Variants in INSL6 observed in about 807,000 individuals in gnomAD.
INSL6 encodes the protein insulin-like peptide INSL6.
In INSL6, 16 loss-of-function variants were observed where a neutral mutation model predicts 9.4. The observed-to-expected ratio is 1.70, with a 90% confidence interval of 1.15 to 2.59. The LOEUF is 2.59. Among genes scored for constraint, INSL6 ranks in the 30% most tolerant of loss-of-function variants. The pLI, the probability that INSL6 is intolerant of heterozygous loss-of-function variation, is 0.00. For synonymous variants in INSL6, 154 were observed against 96.9 expected (o/e 1.59, Z -3.46); for missense variants, 391 against 257.3 (o/e 1.52, Z -3.56).
At chr9:5,088,702 A>G in the INSL6 span, among the ~76,000 whole-genome samples, 2 of 152,206 alleles carry the variant, frequency 1.3e-5, no homozygotes, top group Non-Finnish European at 2.9e-5. Flanking sequence ...AAGTTCTGGC[A>G]GGGATTGGTT....
chr9:5,154,945 T>C (rs961937658), intron 2 of INSL6, among the ~76,000 whole-genome samples: 4 of 151,972 alleles, frequency 2.6e-5, no homozygotes, highest in African/African-American at 9.7e-5. Context: ...GAACTAGAAA[T>C]ACCATTTGAC....
At chr9:5,064,168 A>G in the INSL6 span, among the ~76,000 whole-genome samples, 9 of 152,106 alleles carry the variant, frequency 5.9e-5, no homozygotes, top group Non-Finnish European at 1.3e-4. Flanking sequence ...CGGGGGCCAC[A>G]AAAAAATCAT....
At chr9:5,173,749 A>T (rs1564054193) in intron 1 of INSL6, among the ~76,000 whole-genome samples, 1 of 151,610 alleles carries the variant, frequency 6.6e-6, no homozygotes, top group Non-Finnish European at 1.5e-5. Flanking sequence ...CATCTCGCTC[A>T]TGTACTGCTG....
At chr9:5,073,553 A>G in the INSL6 span, 2 of 651,366 alleles carry the variant, frequency 3.1e-6, no homozygotes, top group East Asian at 5.3e-5. Context: ...AGGTCCATAT[A>G]AAGGGACCAA....
chr9:5,129,595 C>T (rs1337638748), intron 3 of INSL6, among the ~76,000 whole-genome samples: 1 of 151,924 alleles, frequency 6.6e-6, no homozygotes. Context: ...ATTATCCAAA[C>T]AAAAGACTAG....
intron 1 of INSL6, among the ~76,000 whole-genome samples, chr9:5,181,583 T>A (rs1467443336): frequency 6.6e-6 from 1 of 152,204 alleles, no homozygotes; most frequent in Non-Finnish European, 1.5e-5. Context: ...AAAGGACCTC[T>A]AATACATAAG....
the INSL6 span, chr9:5,110,720 C>T: frequency 8.5e-6 from 3 of 351,084 alleles, no homozygotes; most frequent in South Asian, 4.6e-5. Flanking sequence ...TCCTTAACTG[C>T]TGGCTATAGT....
chr9:5,179,808 A>G (rs1825404879), intron 1 of INSL6, among the ~76,000 whole-genome samples: 1 of 152,220 alleles, frequency 6.6e-6, no homozygotes, highest in South Asian at 2.1e-4. Context: ...ACACATGGAC[A>G]CATGCAGGGG....
the INSL6 span, chr9:5,069,072 T>C: frequency 3.1e-6 from 5 of 1,605,372 alleles, no homozygotes; most frequent in African/African-American, 2.7e-5. Flanking sequence ...AAAATGAGAA[T>C]GAAGAGTACA....
At chr9:5,130,774 C>A (rs62543910) in intron 3 of INSL6, among the ~76,000 whole-genome samples, 1 of 150,390 alleles carries the variant, frequency 6.6e-6, no homozygotes, top group Non-Finnish European at 1.5e-5. Context: ...TGTCGCCCAG[C>A]CTGGAGTGCA....
chr9:5,045,193 T>C, the INSL6 span, among the ~76,000 whole-genome samples: 1 of 152,290 alleles, frequency 6.6e-6, no homozygotes, highest in African/African-American at 2.4e-5. Flanking sequence ...GAAGAAAATA[T>C]ATTAGTGCTC....
chr9:5,177,226 A>T (rs1825329266), intron 1 of INSL6, among the ~76,000 whole-genome samples: 2 of 152,184 alleles, frequency 1.3e-5, no homozygotes, highest in African/African-American at 2.4e-5. Flanking sequence ...TGATCCAGAG[A>T]GAAAGAAGAA....
At chr9:5,150,553 T>C (rs1824689470) in intron 2 of INSL6, among the ~76,000 whole-genome samples, 1 of 152,118 alleles carries the variant, frequency 6.6e-6, no homozygotes, top group Non-Finnish European at 1.5e-5. Context: ...AGAATGGCCA[T>C]TATTAAATCG....
chr9:5,157,158 T>G (rs1398455182), intron 2 of INSL6, among the ~76,000 whole-genome samples: 1 of 152,220 alleles, frequency 6.6e-6, no homozygotes, highest in East Asian at 1.9e-4. Flanking sequence ...TTCATGGATC[T>G]GAAGGCTCAA....
chr9:5,095,344 C>G, the INSL6 span, among the ~76,000 whole-genome samples: 16 of 152,108 alleles, frequency 1.1e-4, no homozygotes, highest in African/African-American at 3.9e-4. Context: ...TATAGTAGTT[C>G]TTACCCCCAT....
chr9:5,042,846 C>T, the INSL6 span, among the ~76,000 whole-genome samples: 18 of 152,218 alleles, frequency 1.2e-4, no homozygotes, highest in Non-Finnish European at 1.9e-4. Flanking sequence ...CAAAATGCTG[C>T]ACCAAAGCTC....
the INSL6 span, chr9:5,090,846 C>T: frequency 6.2e-7 from 1 of 1,613,030 alleles, no homozygotes; most frequent in Non-Finnish European, 8.5e-7. Flanking sequence ...TTGGGTTAAC[C>T]AAAGTCTTGC....
the INSL6 span, among the ~76,000 whole-genome samples, chr9:5,071,191 A>C: frequency 6.6e-6 from 1 of 152,186 alleles, no homozygotes; most frequent in Non-Finnish European, 1.5e-5. Context: ...AAGAAACAAA[A>C]AAATCTTTTC....
chr9:5,132,566 G>C (rs1368524349), intron 3 of INSL6, among the ~76,000 whole-genome samples: 1 of 147,322 alleles, frequency 6.8e-6, no homozygotes, highest in Non-Finnish European at 1.5e-5. Context: ...AAAAAAAAAA[G>C]ACTATCCATA....
Sources: allele counts gnomAD v4.1 joint callset (sites outside exome capture counted in the v4.1 genomes callset), GRCh38; gene constraint gnomAD v4.1.1; transcripts MANE v1.5; gene names NCBI Gene and HGNC (gene_info 2026-07-23, HGNC 2026-07-21).